ARL3: variants seen among roughly 807,000 people sequenced by gnomAD.
The protein encoded by ARL3 is ADP-ribosylation factor-like protein 3.
A neutral mutation model predicts 26.0 loss-of-function variants in ARL3; 9 were observed. The ratio of observed to expected loss-of-function variants is 0.35; its 90% CI spans 0.21 to 0.60. The LOEUF is 0.60. Ranked by LOEUF, ARL3 falls within the 20% of genes least tolerant of loss-of-function variation. The pLI, the probability that ARL3 is intolerant of heterozygous loss-of-function variation, is 0.78. For synonymous variants in ARL3, 71 were observed against 78.4 expected, an observed-to-expected ratio of 0.91 and a Z score of 0.50; for missense variants, 158 against 215.7, an observed-to-expected ratio of 0.73 and a Z score of 1.67.
At chr10:102,682,406 C>A (rs1483393216) in intron 5 of ARL3, among the ~76,000 whole-genome samples, 1 of 152,194 alleles carries the variant, frequency 6.6e-6, no homozygotes, top group Non-Finnish European at 1.5e-5. Context: ...CATCCTCTCT[C>A]AAAAGTCAGT....
At chr10:102,704,151 C>CA (rs56326932) in intron 2 of ARL3, among the ~76,000 whole-genome samples, 10,342 of 44,356 alleles carry the variant, frequency 0.23, 768 homozygotes, top group Non-Finnish European at 0.26. Context: ...ACTCTGTCTC[C>CA]AAAAAAAAAA....
intron 3 of ARL3, among the ~76,000 whole-genome samples, chr10:102,694,171 T>A (rs1044715020): frequency 3.3e-5 from 5 of 152,004 alleles, no homozygotes; most frequent in East Asian, 1.9e-4. Flanking sequence ...TTGTATTTTT[T>A]GTAGAGATGG....
At chr10:102,690,837 T>C (rs2064213162) in intron 3 of ARL3, among the ~76,000 whole-genome samples, 1 of 151,820 alleles carries the variant, frequency 6.6e-6, no homozygotes, top group African/African-American at 2.4e-5. Context: ...TCGTCTTCCC[T>C]AAGAATAACT....
In ARL3 at chr10:102,689,952, GA is replaced by G; in HGVS notation, c.265-10del. 1 of 1,574,122 alleles carries G rather than the reference GA, an allele frequency of 6.4e-7. No individual in the cohort carries two copies. Among genetic ancestry groups the G allele is most frequent in the Non-Finnish European group, 8.7e-7 (1 of 1,155,158 alleles). On this transcript the variant is annotated splice_polypyrimidine_tract_variant and intron_variant, in intron 3 of 5. Coordinates refer to ENST00000260746, the MANE Select transcript of ARL3 (RefSeq NM_004311.4). ...CTGTCGATTACATATATCTATAAAG[GA>G]AAAGAAGAAGGTTATTTCAGTGAGC...
chr10:102,686,866 CTTTTTTT>C (rs59400726), intron 4 of ARL3, among the ~76,000 whole-genome samples: 4 of 59,656 alleles, frequency 6.7e-5, no homozygotes, highest in African/African-American at 2.6e-4. Flanking sequence ...CAGGAATTTA[CTTTTTTT>C]TTTTTTTTTT....
Position 102,692,454 on chromosome 10 carries a change from C to T in ARL3, c.265-2511G>A, listed in dbSNP as rs184628535. On this transcript the variant is annotated intron_variant, in intron 3 of 5. Transcript: ENST00000260746. ...TTGTTGAGACGGAGTCTCGCTCTGT[C>T]ACCCAGGCTGGAGTGCAGTAGTGTG... Among the ~76,000 whole-genome samples the T allele has an allele frequency of 1.2e-3, 178 of 152,334 alleles. 1 individual carries two copies. The highest frequency in any genetic ancestry group is 4.1e-3 in the African/African-American group (171 of 41,578).
chr10:102,705,456 C>T lies in ARL3; in HGVS notation c.37G>A (p.Ala13Thr). Reference protein sequence around the residue: ...LLSILRKLKSAPDQEVRILLL... With the variant: ...LLSILRKLKSTPDQEVRILLL... The stretch of plus-strand genomic sequence containing the variant: ...AGTATTCTCACCTCCTGGTCTGGTG[C>T]ACTTTTCAACTTGCGCAAAATTGAG... The change falls in exon 2 of 6, where the codon GCA becomes ACA. Residue 13 changes from alanine (A) to threonine (T), a missense_variant. Transcript: ENST00000260746. 2.5e-6 allele frequency: 4 copies of T among 1,604,312 alleles called. No homozygotes were observed. The highest frequency in any genetic ancestry group is 1.7e-4 in the Middle Eastern group (1 of 5,974).
intron 5 of ARL3, among the ~76,000 whole-genome samples, chr10:102,685,498 G>A (rs1022676078): frequency 6.6e-6 from 1 of 152,108 alleles, no homozygotes; most frequent in South Asian, 2.1e-4. Context: ...TTTAGCATCC[G>A]TAATATTAGA....
chr10:102,714,086 C>T (rs551187609), intron 1 of ARL3, among the ~76,000 whole-genome samples, 187 bp downstream of exon 1: 2 of 152,372 alleles, frequency 1.3e-5, no homozygotes, highest in South Asian at 4.1e-4. Flanking sequence ...TCTCCAGGCC[C>T]AGGCCTCCCT....
intron 3 of ARL3, among the ~76,000 whole-genome samples, chr10:102,690,295 CTTTT>C (rs34924011): frequency 1.6e-5 from 2 of 123,712 alleles, no homozygotes; most frequent in Admixed American, 9.0e-5. Flanking sequence ...CACTATTTTC[CTTTT>C]TTTTTTTTTT....
intron 1 of ARL3, among the ~76,000 whole-genome samples, chr10:102,709,780 C>G (rs1054849451): frequency 6.6e-6 from 1 of 151,816 alleles, no homozygotes; most frequent in African/African-American, 2.4e-5. Context: ...TGCCTGTAAT[C>G]CCAGCACTTC....
intron 5 of ARL3, among the ~76,000 whole-genome samples, chr10:102,683,852 C>T (rs1464775352): frequency 6.6e-6 from 1 of 152,078 alleles, no homozygotes; most frequent in Non-Finnish European, 1.5e-5. Context: ...GACAGGAGAT[C>T]CCTCTCTACC....
rs983389909 is a variant in ARL3, at chr10:102,683,084, A to T, written c.501+2732T>A. On this transcript the variant is annotated intron_variant, in intron 5 of 5. Coordinates refer to ENST00000260746, the MANE Select transcript of ARL3 (RefSeq NM_004311.4). The stretch of plus-strand genomic sequence containing the variant: ...AAAATTACTAAAGGCCTGTACTTCA[A>T]CTAAGCAATGCTGGAAAGGAATTCC... Among the ~76,000 whole-genome samples the T allele has an allele frequency of 2.0e-5, 3 of 152,242 alleles. No homozygotes were observed. The South Asian group carries it at 6.2e-4, about 31-fold the overall frequency.
chr10:102,680,224 G>A (rs1251454636), intron 5 of ARL3, among the ~76,000 whole-genome samples: 1 of 152,270 alleles, frequency 6.6e-6, no homozygotes, highest in Non-Finnish European at 1.5e-5. Context: ...GATTACAGGC[G>A]TGAGCCACTG....
At chr10:102,699,590 TC>T in intron 2 of ARL3, 101 bp from the exon 3 acceptor site, 1 of 661,734 alleles carries the variant, frequency 1.5e-6, no homozygotes, top group Non-Finnish European at 2.6e-6. Context: ...TCTAAAGTAC[TC>T]TGCCATATGT....
At chr10:102,682,179 C>T (rs531118288) in intron 5 of ARL3, among the ~76,000 whole-genome samples, 18 of 152,236 alleles carry the variant, frequency 1.2e-4, no homozygotes, top group African/African-American at 4.1e-4. Context: ...CTCCTCTTTC[C>T]GCTTTCATCC....
chr10:102,678,414 G>GA (rs908998342), intron 5 of ARL3, among the ~76,000 whole-genome samples: 12 of 147,908 alleles, frequency 8.1e-5, no homozygotes, highest in Non-Finnish European at 1.0e-4. Context: ...TGGTTTCCAG[G>GA]AAAAAAAAAA....
At chr10:102,709,116 A>G (rs1439605198) in intron 1 of ARL3, among the ~76,000 whole-genome samples, 8 of 151,438 alleles carry the variant, frequency 5.3e-5, no homozygotes, top group African/African-American at 1.9e-4. Context: ...ATGTTGCCCA[A>G]GCTAGTCTCA....
intron 3 of ARL3, among the ~76,000 whole-genome samples, chr10:102,696,896 G>A (rs2064251286): frequency 6.6e-6 from 1 of 152,118 alleles, no homozygotes; most frequent in Non-Finnish European, 1.5e-5. Context: ...GTCATGTGTT[G>A]CTTAATGACA....
Sources: gnomAD v4.1 joint callset for allele counts (sites outside exome capture counted in the v4.1 genomes callset) on GRCh38, gnomAD v4.1.1 for gene constraint, MANE v1.5 for transcripts, NCBI Gene and HGNC (gene_info 2026-07-23, HGNC 2026-07-21) for gene names.